The following STK32B variants were observed in gnomAD, a reference collection of about 807,000 sequenced individuals.
STK32B encodes serine/threonine kinase 32B, also known as serine/threonine-protein kinase 32B.
STK32B carries 43 observed loss-of-function variants against 52.6 expected under a neutral mutation model. The observed-to-expected ratio is 0.82, with a 90% CI of 0.64 to 1.05. STK32B has a LOEUF of 1.05. Ranked by LOEUF, STK32B falls within the 50% of genes least tolerant of loss-of-function variation. The pLI is 0.00. For missense variants in STK32B, 621 were observed against 534.6 expected (o/e 1.16, Z -1.59); for synonymous variants, 238 against 204.3 (o/e 1.17, Z -1.41).
rs191112294 is a variant in STK32B, at chr4:5,293,975, G to A, written c.261-37245G>A. ...TGAGTTATTTTTCTATAAGGTGTAA[G>A]GAAGGGGTCCAGTTTCAGTTTTCTG... On this transcript the variant is annotated intron_variant, in intron 3 of 11. Transcript: ENST00000282908. Among the ~76,000 whole-genome samples, 10 of 152,256 alleles carry A rather than the reference G, an allele frequency of 6.6e-5. No individual in the cohort carries two copies. In the East Asian group the frequency reaches 1.9e-3, roughly 29 times the overall value.
chr4:5,408,438 A>G (rs543181755), intron 5 of STK32B, among the ~76,000 whole-genome samples: 3 of 151,738 alleles, frequency 2.0e-5, no homozygotes, highest in Non-Finnish European at 2.9e-5. Context: ...ATGATTGTAC[A>G]TTTTCTGAGG....
chr4:5,222,622 A>G (rs555294424), intron 3 of STK32B, among the ~76,000 whole-genome samples: 1 of 152,360 alleles, frequency 6.6e-6, no homozygotes, highest in African/African-American at 2.4e-5. Flanking sequence ...GGGAAAGCAC[A>G]ACTTAAGAGT....
intron 3 of STK32B, among the ~76,000 whole-genome samples, chr4:5,171,628 C>G (rs1374607018): frequency 6.7e-6 from 1 of 149,752 alleles, no homozygotes; most frequent in Non-Finnish European, 1.5e-5. Context: ...AGATACATGG[C>G]ATTATTTCTG....
At chr4:5,253,761 T>G (rs1014768933) in intron 3 of STK32B, among the ~76,000 whole-genome samples, 2 of 152,216 alleles carry the variant, frequency 1.3e-5, no homozygotes, top group Non-Finnish European at 2.9e-5. Context: ...ACTGTACACT[T>G]GGAAACATCT....
intron 3 of STK32B, among the ~76,000 whole-genome samples, chr4:5,324,312 C>T (rs1731730318): frequency 6.6e-6 from 1 of 152,134 alleles, no homozygotes; most frequent in Non-Finnish European, 1.5e-5. Context: ...CAAGATTGCA[C>T]CACTGCACCC....
intron 3 of STK32B, among the ~76,000 whole-genome samples, chr4:5,303,894 A>G (rs1036754964): frequency 2.1e-5 from 3 of 146,208 alleles, no homozygotes; most frequent in Non-Finnish European, 4.4e-5. Context: ...ATTCTTTTAC[A>G]TGGACTTGCC....
chr4:5,367,909 G>A (rs1734979704), intron 4 of STK32B, among the ~76,000 whole-genome samples: 4 of 152,058 alleles, frequency 2.6e-5, no homozygotes, highest in Admixed American at 1.3e-4. Flanking sequence ...TGTCCACATC[G>A]CCGCCCAGGG....
intron 2 of STK32B, among the ~76,000 whole-genome samples, chr4:5,156,430 C>T (rs182103358): frequency 2.0e-5 from 3 of 152,286 alleles, no homozygotes; most frequent in Admixed American, 2.0e-4. Context: ...AAATTTACTT[C>T]GCACAGACAC....
chr4:5,389,669 G>T (rs1467301425), intron 4 of STK32B, among the ~76,000 whole-genome samples: 2 of 152,178 alleles, frequency 1.3e-5, no homozygotes, highest in Non-Finnish European at 1.5e-5. Flanking sequence ...AAGGAATTTG[G>T]AGGAACACGA....
chr4:5,300,761 A>AG (rs1191489948), intron 3 of STK32B, among the ~76,000 whole-genome samples: 1 of 152,198 alleles, frequency 6.6e-6, no homozygotes, highest in East Asian at 1.9e-4. Context: ...AAGGAGAACT[A>AG]CAAAATATTG....
chr4:5,181,576 C>A (rs139186948), intron 3 of STK32B, among the ~76,000 whole-genome samples: 77 of 152,296 alleles, frequency 5.1e-4, no homozygotes, highest in African/African-American at 1.8e-3. Flanking sequence ...GGTTCAGTAT[C>A]AGAACACAAC....
At chr4:5,285,040 T>TA (rs1284133055) in intron 3 of STK32B, among the ~76,000 whole-genome samples, 4 of 152,222 alleles carry the variant, frequency 2.6e-5, no homozygotes, top group Admixed American at 2.6e-4. Context: ...GATGTAAACT[T>TA]ACAGTATCAA....
At chr4:5,215,228 A>G (rs1228000015) in intron 3 of STK32B, among the ~76,000 whole-genome samples, 1 of 152,216 alleles carries the variant, frequency 6.6e-6, no homozygotes, top group African/African-American at 2.4e-5. Flanking sequence ...TCTAAGTCAG[A>G]AAGGAAATTT....
At chr4:5,064,837 T>C (rs1742355219) in intron 1 of STK32B, among the ~76,000 whole-genome samples, 1 of 142,144 alleles carries the variant, frequency 7.0e-6, no homozygotes, top group South Asian at 2.1e-4. Flanking sequence ...ATATATAATA[T>C]ATAAATATGC....
intron 3 of STK32B, among the ~76,000 whole-genome samples, chr4:5,286,849 G>A (rs183147270): frequency 1.8e-4 from 26 of 146,322 alleles, no homozygotes; most frequent in African/African-American, 6.1e-4. Flanking sequence ...CAAGGCTGGA[G>A]TGCAGTGACG....
At chr4:5,234,707 A>G (rs1308114289) in intron 3 of STK32B, among the ~76,000 whole-genome samples, 1 of 152,264 alleles carries the variant, frequency 6.6e-6, no homozygotes, top group Non-Finnish European at 1.5e-5. Context: ...TTGGGGCCAC[A>G]GCAATCCAAT....
intron 3 of STK32B, among the ~76,000 whole-genome samples, chr4:5,183,477 CAAAAA>C (rs199998898): frequency 2.7e-5 from 3 of 109,552 alleles, no homozygotes; most frequent in Non-Finnish European, 5.9e-5. Context: ...AACTCCATCT[CAAAAA>C]AAAAAAAAAA....
At chr4:5,376,694 C>G (rs897997775) in intron 4 of STK32B, among the ~76,000 whole-genome samples, 2 of 152,102 alleles carry the variant, frequency 1.3e-5, no homozygotes, top group Non-Finnish European at 2.9e-5. Flanking sequence ...GATATTAAGC[C>G]CCATTTCAGG....
intron 3 of STK32B, among the ~76,000 whole-genome samples, chr4:5,223,687 G>C (rs1456207685): frequency 6.6e-6 from 1 of 151,686 alleles, no homozygotes; most frequent in Non-Finnish European, 1.5e-5. Context: ...CGTGGTGGTG[G>C]ACACCTGTAG....
Sources: allele counts gnomAD v4.1 joint callset (sites outside exome capture counted in the v4.1 genomes callset), GRCh38; gene constraint gnomAD v4.1.1; transcripts MANE v1.5; gene names NCBI Gene and HGNC (gene_info 2026-07-23, HGNC 2026-07-21).